Variants in NTM observed in about 807,000 individuals in gnomAD.
NTM encodes the protein neurotrimin.
NTM carries 13 observed loss-of-function variants against 42.1 expected under a neutral mutation model. That is an observed-to-expected ratio of 0.31 (90% CI 0.20 to 0.49). The LOEUF (loss-of-function observed/expected upper bound fraction) is 0.49, where lower values mean the gene tolerates loss of function less well. Ranked by LOEUF, NTM falls within the 20% of genes least tolerant of loss-of-function variation. The pLI is 0.99. For missense variants in NTM, 373 were observed against 452.8 expected, an observed-to-expected ratio of 0.82 and a Z score of 1.60; for synonymous variants, 187 against 179.2, an observed-to-expected ratio of 1.04 and a Z score of -0.35.
chr11:132,132,253 CT>C (rs780648912), intron 2 of NTM, among the ~76,000 whole-genome samples: 1 of 152,192 alleles, frequency 6.6e-6, no homozygotes, highest in Non-Finnish European at 1.5e-5. Context: ...CAGCCCTCTC[CT>C]AACGGCTTCC....
chr11:131,765,696 G>T (rs575971024), intron 1 of NTM, among the ~76,000 whole-genome samples: 14 of 152,252 alleles, frequency 9.2e-5, no homozygotes, highest in Non-Finnish European at 1.6e-4. Flanking sequence ...CAGGCACCGG[G>T]CCCGGCTTCA....
intron 3 of NTM, among the ~76,000 whole-genome samples, chr11:132,204,391 A>G (rs2081631540): frequency 6.6e-6 from 1 of 152,218 alleles, no homozygotes; most frequent in Non-Finnish European, 1.5e-5. Flanking sequence ...GATGCCAGGC[A>G]TTATGATATG....
intron 7 of NTM, among the ~76,000 whole-genome samples, chr11:132,326,450 C>A (rs1253988272): frequency 1.3e-5 from 2 of 152,212 alleles, no homozygotes; most frequent in Non-Finnish European, 2.9e-5. Context: ...AAATTGAAAG[C>A]AAACAGGTTA....
intron 1 of NTM, among the ~76,000 whole-genome samples, chr11:131,740,038 C>A (rs923382043): frequency 1.4e-4 from 22 of 152,336 alleles, no homozygotes; most frequent in African/African-American, 4.6e-4. Context: ...TTCGCTCTGA[C>A]ACTTTACTGC....
intron 1 of NTM, chr11:131,534,676 A>T (rs1372710028): frequency 1.3e-5 from 2 of 152,212 alleles, no homozygotes; most frequent in South Asian, 4.1e-4. Flanking sequence ...GGACTGGAAG[A>T]AAAAAAGAAA....
chr11:132,147,445 T>G (rs925247243), intron 3 of NTM, among the ~76,000 whole-genome samples: 2 of 152,066 alleles, frequency 1.3e-5, no homozygotes, highest in Non-Finnish European at 2.9e-5. Context: ...GTTCTCTTTC[T>G]GTAAAGGGGG....
At chr11:132,331,251 A>G (rs1429412534) in intron 8 of NTM, among the ~76,000 whole-genome samples, 2 of 152,228 alleles carry the variant, frequency 1.3e-5, no homozygotes, top group Non-Finnish European at 2.9e-5. Context: ...AAAGGGAGAT[A>G]ATAATTCTCA....
chr11:132,316,044 C>T (rs912575967), intron 7 of NTM, among the ~76,000 whole-genome samples: 1 of 152,154 alleles, frequency 6.6e-6, no homozygotes, highest in African/African-American at 2.4e-5. Flanking sequence ...AAGGCTCCCC[C>T]TCAGTTTCCC....
chr11:131,597,768 A>G (rs1311002721), intron 1 of NTM, among the ~76,000 whole-genome samples: 1 of 152,224 alleles, frequency 6.6e-6, no homozygotes, highest in Non-Finnish European at 1.5e-5. Flanking sequence ...TCTGTGGATC[A>G]AGGGAGTGCA....
intron 2 of NTM, among the ~76,000 whole-genome samples, chr11:132,044,468 C>T (rs1450198899): frequency 2.0e-5 from 3 of 152,120 alleles, no homozygotes; most frequent in African/African-American, 4.8e-5. Flanking sequence ...GTAGATGTGT[C>T]TGTTCAAGAG....
intron 1 of NTM, among the ~76,000 whole-genome samples, chr11:131,463,235 C>T (rs1217258310): frequency 6.6e-6 from 1 of 152,208 alleles, no homozygotes; most frequent in Non-Finnish European, 1.5e-5. Flanking sequence ...ACAAGCCTTG[C>T]TCTCCATCCA....
intron 1 of NTM, among the ~76,000 whole-genome samples, chr11:131,792,234 TA>T (rs555516133): frequency 6.6e-6 from 1 of 151,904 alleles, no homozygotes; most frequent in African/African-American, 2.4e-5. Flanking sequence ...AAATAAAAAT[TA>T]AAAAAACACA....
intron 2 of NTM, among the ~76,000 whole-genome samples, chr11:131,999,749 C>A (rs2068804371): frequency 6.6e-6 from 1 of 152,192 alleles, no homozygotes; most frequent in South Asian, 2.1e-4. Flanking sequence ...AAAAACACAT[C>A]TTATTTCTGT....
chr11:131,901,060 AG>A (rs1156440885), intron 1 of NTM, among the ~76,000 whole-genome samples: 1 of 152,252 alleles, frequency 6.6e-6, no homozygotes, highest in Non-Finnish European at 1.5e-5. Flanking sequence ...AAGAATAATC[AG>A]TAGCAACCAT....
chr11:131,464,365 G>T (rs538895178), intron 1 of NTM, among the ~76,000 whole-genome samples: 24 of 152,022 alleles, frequency 1.6e-4, no homozygotes, highest in Non-Finnish European at 1.8e-4. Flanking sequence ...AAGCTGGGGG[G>T]GGGGCAGCAA....
intron 2 of NTM, among the ~76,000 whole-genome samples, chr11:132,077,190 A>G (rs1025588288): frequency 6.6e-5 from 10 of 152,232 alleles, no homozygotes; most frequent in Non-Finnish European, 1.3e-4. Flanking sequence ...CTTCAGATGA[A>G]GAGTGTGAAA....
intron 1 of NTM, among the ~76,000 whole-genome samples, chr11:131,701,152 A>G (rs2076033777): frequency 1.3e-5 from 2 of 152,232 alleles, no homozygotes; most frequent in Admixed American, 1.3e-4. Flanking sequence ...GGTTTTGCTA[A>G]AGAACAAAAC....
intron 4 of NTM, among the ~76,000 whole-genome samples, chr11:132,265,071 T>C (rs1205960712): frequency 6.6e-6 from 1 of 152,130 alleles, no homozygotes; most frequent in African/African-American, 2.4e-5. Context: ...GTAGCTAAGG[T>C]GAGAGGATTA....
chr11:131,523,479 C>G (rs1000602043), intron 1 of NTM, among the ~76,000 whole-genome samples: 17 of 151,802 alleles, frequency 1.1e-4, no homozygotes, highest in African/African-American at 3.4e-4. Flanking sequence ...GTTGATCACT[C>G]CTTTATGAAG....
Sources: allele counts gnomAD v4.1 joint callset (sites outside exome capture counted in the v4.1 genomes callset), GRCh38; gene constraint gnomAD v4.1.1; transcripts MANE v1.5; gene names NCBI Gene and HGNC (gene_info 2026-07-23, HGNC 2026-07-21).